The following RSPH4A variants were observed in gnomAD, a reference collection of about 807,000 sequenced individuals.
RSPH4A encodes radial spoke head protein 4 homolog A.
Under a neutral mutation model 71.0 loss-of-function variants are expected in RSPH4A, and 47 were observed. The observed-to-expected ratio is 0.66, with a 90% CI of 0.52 to 0.84. The LOEUF is 0.84. RSPH4A is among the 40% of genes least tolerant of loss of function. The pLI is 0.00. For missense variants in RSPH4A, 793 were observed against 855.2 expected (o/e 0.93, Z 0.91); for synonymous variants, 282 against 302.3 (o/e 0.93, Z 0.70).
intron 4 of RSPH4A, among the ~76,000 whole-genome samples, 181 bp downstream of exon 4, chr6:116,629,883 G>A (rs914297071): frequency 1.3e-5 from 2 of 152,174 alleles, no homozygotes; most frequent in Non-Finnish European, 1.5e-5. Context: ...CCACATCAAT[G>A]TTCTCTGACA....
At position 116,617,120 on chromosome 6, in the gene RSPH4A, T is replaced by C; in HGVS notation, c.497T>C (p.Val166Ala). Residue 166 changes from valine to alanine, a missense_variant, in exon 1 of 6, where the codon GTG becomes GCG. By Grantham distance (64) the Val-to-Ala change is moderately conservative (BLOSUM62 0). Coordinates refer to ENST00000229554, the MANE Select transcript of RSPH4A (RefSeq NM_001010892.3). Reference protein sequence around the residue: ...PKPHLCGRRDVSYNNAKQKEL... With the variant: ...PKPHLCGRRDASYNNAKQKEL... ...CCCCACCTGTGTGGACGAAGGGACGTGAGCTATAACAACGCTAAACAGAAA... is the reference window on the plus strand; with the variant it reads ...CCCCACCTGTGTGGACGAAGGGACGCGAGCTATAACAACGCTAAACAGAAA... 6.2e-7 allele frequency: 1 copy of C among 1,614,196 alleles called. No homozygotes were observed.
rs760290274 is a variant in RSPH4A at position 116,630,569 on chromosome 6, T to C, written c.1916+17T>C. The C allele has an allele frequency of 8.6e-7, 1 of 1,157,420 alleles. No individual in the cohort carries two copies. The highest frequency in any genetic ancestry group is 1.2e-5 in the South Asian group (1 of 81,928). 71.7% of individuals were successfully genotyped at this position (1,157,420 alleles called of 1,614,324 possible). A position where few individuals can be genotyped will look rare whatever the true frequency, so the allele number is the denominator to read the frequency against. On this transcript the variant is annotated intron_variant, in intron 5 of 5. Coordinates refer to ENST00000229554, the MANE Select transcript of RSPH4A (RefSeq NM_001010892.3). ...CAATGGCAAGTAAGTATCTGACCAC[T>C]TACAAAGCCATTTCTGTGATTAGTT...
At chr6:116,631,368 A>C (rs932772059) in intron 5 of RSPH4A, among the ~76,000 whole-genome samples, 4 of 152,170 alleles carry the variant, frequency 2.6e-5, no homozygotes, top group African/African-American at 9.7e-5. Context: ...AAGCTTTGAC[A>C]TCCCCCTGTT....
At chr6:116,626,999 T>G (rs1430592196) in intron 2 of RSPH4A, among the ~76,000 whole-genome samples, 1 of 152,176 alleles carries the variant, frequency 6.6e-6, no homozygotes, top group Non-Finnish European at 1.5e-5. Context: ...TCTTTTAGGA[T>G]AGTAAGGGAG....
At position 116,627,789 on chromosome 6, in the gene RSPH4A, G is replaced by T. The variant is rs757303224; in HGVS notation, c.1082G>T (p.Gly361Val). 28 of 1,614,008 alleles carry T rather than the reference G, an allele frequency of 1.7e-5. No individual in the cohort carries two copies. The highest frequency in any genetic ancestry group is 2.3e-5 in the Non-Finnish European group (27 of 1,180,026). Residue 361 changes from glycine (G) to valine (V), a missense_variant, in exon 3 of 6, where the codon GGT becomes GTT. Transcript: ENST00000229554. Reference protein sequence around the residue: ...QRCRFWGKILGLEMNYIVAEV... With the variant: ...QRCRFWGKILVLEMNYIVAEV... The stretch of plus-strand genomic sequence containing the variant: ...TGCCGCTTCTGGGGAAAGATCTTGG[G>T]TCTGGAAATGAATTATATTGTAGCT...
At chr6:116,622,078 G>A (rs975933999) in intron 1 of RSPH4A, among the ~76,000 whole-genome samples, 1 of 152,162 alleles carries the variant, frequency 6.6e-6, no homozygotes, top group African/African-American at 2.4e-5. Context: ...CAAAATATTA[G>A]AGTGTATCAC....
At position 116,632,446 on chromosome 6, in the gene RSPH4A, C is replaced by T. The variant is rs1775822169; in HGVS notation, c.*5C>T. The stretch of plus-strand genomic sequence containing the variant: ...GAGGAAGATGATTATGACTAATAAA[C>T]ATAAAATTAGCCTGGTTTTATGTGA... On this transcript the variant is annotated 3_prime_UTR_variant, in exon 6 of 6. Transcript: ENST00000229554. The T allele has an allele frequency of 6.2e-7, 1 of 1,607,776 alleles. No individual in the cohort carries two copies. Among genetic ancestry groups the T allele is most frequent in the South Asian group, 1.1e-5 (1 of 89,734 alleles).
Position 116,630,470 on chromosome 6 carries a change from T to C in RSPH4A, c.1834T>C (p.Ser612Pro), listed in dbSNP as rs1562392843. The change falls in exon 5 of 6, where the codon TCC (serine) becomes CCC (proline). Residue 612 changes from serine (S) to proline (P), a missense_variant. Physicochemically the swap from Ser to Pro is moderately conservative, Grantham distance 74 (BLOSUM62 -1). Transcript: ENST00000229554. The stretch of plus-strand genomic sequence containing the variant: ...TATACCCCCCTGGACAACACGGTTA[T>C]CCTCAAATCTCATTCCACAATATGC... The part of the protein sequence containing the change: ...QNIPPWTTRL[S>P]SNLIPQYAIA... 6.2e-7 allele frequency: 1 copy of C among 1,610,702 alleles called. No individual in the cohort carries two copies. Among genetic ancestry groups the C allele is most frequent in the Non-Finnish European group, 8.5e-7 (1 of 1,176,986 alleles).
At chr6:116,623,097 C>CTCGTTTTGTTTTGTT in intron 2 of RSPH4A, 95 bp downstream of exon 2, 1 of 762,570 alleles carries the variant, frequency 1.3e-6, no homozygotes, top group Admixed American at 2.3e-5. Flanking sequence ...TATTTTATAG[C>CTCGTTTTGTTTTGTT]TTGTTTTGTT....
At chr6:116,624,127 T>C (rs1170089560) in intron 2 of RSPH4A, among the ~76,000 whole-genome samples, 6 of 152,202 alleles carry the variant, frequency 3.9e-5, no homozygotes, top group Non-Finnish European at 7.3e-5. Flanking sequence ...CAGCACTCTG[T>C]CAGGGAAAAG....
rs766162827 is a variant in RSPH4A at position 116,632,268 on chromosome 6, C to T, written c.1978C>T (p.Pro660Ser). The T allele has an allele frequency of 6.2e-7, 1 of 1,612,620 alleles. No homozygotes were observed. Among genetic ancestry groups the T allele is most frequent in the South Asian group, 1.1e-5 (1 of 91,020 alleles). Reference protein sequence around the residue: ...HKYSPDNYTPPVPPPVYQEYP... With the variant: ...HKYSPDNYTPSVPPPVYQEYP... Reference sequence around the variant, plus strand: ...GTATAGTCCAGACAATTATACACCCCCAGTTCCACCACCAGTTTATCAAGA... The same window carrying T: ...GTATAGTCCAGACAATTATACACCCTCAGTTCCACCACCAGTTTATCAAGA... The change falls in exon 6 of 6, where the codon CCA (proline) becomes TCA (serine). Residue 660 changes from proline (P) to serine (S), a missense_variant. Physicochemically the swap from Pro to Ser is moderately conservative, Grantham distance 74. Transcript: ENST00000229554.
chr6:116,619,488 A>G (rs932813707), intron 1 of RSPH4A, among the ~76,000 whole-genome samples: 2 of 152,218 alleles, frequency 1.3e-5, no homozygotes, highest in African/African-American at 4.8e-5. Context: ...AAACCAATGT[A>G]TATAAATCAT....
chr6:116,616,587 C>G lies in RSPH4A; in HGVS notation c.-37C>G. 1 of 1,557,576 alleles carries G rather than the reference C, an allele frequency of 6.4e-7. No homozygotes were observed. On this transcript the variant is annotated 5_prime_UTR_variant, in exon 1 of 6. Transcript: ENST00000229554. Reference sequence around the variant, plus strand: ...TGCCTTCTTCCATATTTTCACGCCCCTTTCATCCAGAACATTTTTTTTCTT... The same window carrying G: ...TGCCTTCTTCCATATTTTCACGCCCGTTTCATCCAGAACATTTTTTTTCTT...
Position 116,632,213 on chromosome 6 carries a change from T to G in RSPH4A, c.1923T>G (p.Phe641Leu). ...GAYAFSNGKK[F>L]ENFYIGWGHK... is the part of the protein sequence containing the mutation. Reference sequence around the variant, plus strand: ...TTCTTTTTCTTACTTATAGAAAGTTTGAAAATTTCTACATAGGCTGGGGTC... The same window carrying G: ...TTCTTTTTCTTACTTATAGAAAGTTGGAAAATTTCTACATAGGCTGGGGTC... Residue 641 changes from phenylalanine (F) to leucine (L), a missense_variant, in exon 6 of 6, where the codon TTT becomes TTG. Coordinates refer to ENST00000229554, the MANE Select transcript of RSPH4A (RefSeq NM_001010892.3). 2 of 1,607,512 alleles carry G rather than the reference T, an allele frequency of 1.2e-6. No homozygotes were observed. Among genetic ancestry groups the G allele is most frequent in the Non-Finnish European group, 1.7e-6 (2 of 1,176,872 alleles).
intron 1 of RSPH4A, 121 bp downstream of exon 1, chr6:116,617,430 AAG>A (rs1775530190): frequency 1.1e-5 from 8 of 718,074 alleles, no homozygotes; most frequent in Middle Eastern, 2.7e-4. Flanking sequence ...GTGTTAGTAA[AAG>A]AGAGTTAATG....
chr6:116,629,477 AGTTACAC>A, intron 3 of RSPH4A, 83 bp from the exon 4 acceptor site: 1 of 1,261,026 alleles, frequency 7.9e-7, no homozygotes, highest in Non-Finnish European at 1.2e-6. Context: ...ATTCCCACAG[AGTTACAC>A]TTCATCCTGA....
chr6:116,626,913 A>G (rs1454146842), intron 2 of RSPH4A, among the ~76,000 whole-genome samples: 18 of 152,102 alleles, frequency 1.2e-4, no homozygotes, highest in Non-Finnish European at 2.1e-4. Context: ...ATTATTTTTA[A>G]AGATATATAG....
At position 116,616,758 on chromosome 6, in the gene RSPH4A, G is replaced by T. The variant is rs1775509832; in HGVS notation, c.135G>T (p.Ala45=). ...SEPESSEPLE[A]KQGPETGRQS... ...CTGAGTCGTCTGAGCCCTTGGAGGC[G>T]AAGCAGGGGCCAGAAACTGGACGCC... is the stretch of plus-strand genomic sequence containing the variant. Residue 45 remains alanine, a synonymous_variant, in exon 1 of 6, where the codon GCG becomes GCT. Coordinates refer to ENST00000229554, the MANE Select transcript of RSPH4A (RefSeq NM_001010892.3). The T allele has an allele frequency of 6.2e-7, 1 of 1,614,056 alleles. No homozygotes were observed. The highest frequency in any genetic ancestry group is 8.5e-7 in the Non-Finnish European group (1 of 1,180,036).
Position 116,632,387 on chromosome 6 carries a change from A to G in RSPH4A, c.2097A>G (p.Ala699=), listed in dbSNP as rs1435960903. ...FRAAQEAVLL[A]AENEESEEDE... ...CTGCACAAGAAGCAGTTCTACTCGC[A>G]GCTGAGAATGAAGAATCTGAGGAAG... is the stretch of plus-strand genomic sequence containing the variant. Residue 699 remains alanine, a synonymous_variant, in exon 6 of 6, where the codon GCA becomes GCG. Transcript: ENST00000229554. 6.2e-7 allele frequency: 1 copy of G among 1,614,088 alleles called. No homozygotes were observed. The highest frequency in any genetic ancestry group is 2.2e-5 in the East Asian group (1 of 44,872).
Sources: allele counts gnomAD v4.1 joint callset (sites outside exome capture counted in the v4.1 genomes callset), GRCh38; gene constraint gnomAD v4.1.1; transcripts MANE v1.5; gene names NCBI Gene and HGNC (gene_info 2026-07-23, HGNC 2026-07-21).